The following IPPK variants were observed in gnomAD, a reference collection of about 807,000 sequenced individuals.
IPPK encodes the protein inositol-pentakisphosphate 2-kinase.
A neutral mutation model predicts 64.6 loss-of-function variants in IPPK; 22 were observed. The observed-to-expected ratio is 0.34, with a 90% confidence interval of 0.24 to 0.49. The LOEUF is 0.49. Ranked by LOEUF, IPPK falls within the 20% of genes least tolerant of loss-of-function variation. The pLI, the probability that IPPK is intolerant of heterozygous loss-of-function variation, is 0.99. For synonymous variants in IPPK, 262 were observed against 247.2 expected (o/e 1.06, Z -0.56); for missense variants, 532 against 630.7 (o/e 0.84, Z 1.68).
intron 1 of IPPK, among the ~76,000 whole-genome samples, chr9:92,662,939 C>T (rs1852516039): frequency 6.6e-6 from 1 of 152,188 alleles, no homozygotes; most frequent in South Asian, 2.1e-4. Flanking sequence ...CACCCAAGAA[C>T]CCAGCCTGAG....
intron 11 of IPPK, among the ~76,000 whole-genome samples, chr9:92,629,887 C>T (rs753236950): frequency 2.0e-5 from 3 of 152,100 alleles, no homozygotes; most frequent in Non-Finnish European, 4.4e-5. Context: ...CAAGTAATAA[C>T]AAGTGTTGCT....
At chr9:92,669,781 G>A in intron 1 of IPPK, 127 bp downstream of exon 1, 1 of 652,820 alleles carries the variant, frequency 1.5e-6, no homozygotes, top group South Asian at 1.8e-5. Flanking sequence ...TCCGGAGACC[G>A]GCCGGGGAGG....
At chr9:92,648,547 A>G (rs903979871) in intron 5 of IPPK, among the ~76,000 whole-genome samples, 8 of 152,194 alleles carry the variant, frequency 5.3e-5, no homozygotes. Context: ...ACAGAGGCCC[A>G]TCTGATAGTT....
intron 2 of IPPK, among the ~76,000 whole-genome samples, chr9:92,657,226 G>C (rs1852389546): frequency 6.6e-6 from 1 of 152,118 alleles, no homozygotes; most frequent in African/African-American, 2.4e-5. Flanking sequence ...GCGGGCACCT[G>C]TAATCCCAGC....
At chr9:92,655,488 G>A (rs1852354779) in intron 3 of IPPK, among the ~76,000 whole-genome samples, 1 of 152,080 alleles carries the variant, frequency 6.6e-6, no homozygotes, top group African/African-American at 2.4e-5. Context: ...TCCCACTGAG[G>A]ACAAACCTGG....
chr9:92,626,960 T>TA (rs1851746176), intron 11 of IPPK, among the ~76,000 whole-genome samples: 1 of 149,620 alleles, frequency 6.7e-6, no homozygotes, highest in Admixed American at 6.7e-5. Context: ...TGCACCCAGA[T>TA]AAAAAATTAT....
chr9:92,643,047 A>C (rs1407347339), intron 6 of IPPK, among the ~76,000 whole-genome samples: 1 of 152,258 alleles, frequency 6.6e-6, no homozygotes, highest in African/African-American at 2.4e-5. Flanking sequence ...CGTGGCCCCC[A>C]GGCCAGCCCT....
intron 1 of IPPK, among the ~76,000 whole-genome samples, chr9:92,668,063 T>A (rs1284444774): frequency 6.6e-6 from 1 of 151,678 alleles, no homozygotes; most frequent in African/African-American, 2.4e-5. Flanking sequence ...AGGTTAGGAG[T>A]TGGAGACCAG....
intron 6 of IPPK, 118 bp from the exon 7 acceptor site, chr9:92,642,928 C>T: frequency 3.5e-6 from 3 of 857,446 alleles, no homozygotes; most frequent in Middle Eastern, 2.5e-4. Context: ...GCAGCCTTGC[C>T]CCGGAAAAGG....
At chr9:92,648,872 G>C (rs1852200926) in intron 5 of IPPK, among the ~76,000 whole-genome samples, 1 of 152,236 alleles carries the variant, frequency 6.6e-6, no homozygotes, top group South Asian at 2.1e-4. Flanking sequence ...GGCCCATCCA[G>C]CCCCCACTGC....
intron 1 of IPPK, among the ~76,000 whole-genome samples, chr9:92,669,381 C>A (rs1852676418): frequency 1.3e-5 from 2 of 152,234 alleles, no homozygotes; most frequent in African/African-American, 4.8e-5. Context: ...GACCTGTGGA[C>A]AACATCCCCT....
chr9:92,640,572 C>T, intron 8 of IPPK, 138 bp downstream of exon 8: 1 of 697,504 alleles, frequency 1.4e-6, no homozygotes, highest in Non-Finnish European at 2.6e-6. Context: ...ATGACTGAAC[C>T]AGTCAGGGCA....
chr9:92,634,740 G>A (rs1043445552), intron 10 of IPPK, among the ~76,000 whole-genome samples: 1 of 152,312 alleles, frequency 6.6e-6, no homozygotes, highest in Non-Finnish European at 1.5e-5. Context: ...AGAGATGCAA[G>A]GAAGACCAGC....
chr9:92,667,480 A>G (rs1852624389), intron 1 of IPPK, among the ~76,000 whole-genome samples: 1 of 152,192 alleles, frequency 6.6e-6, no homozygotes, highest in Non-Finnish European at 1.5e-5. Flanking sequence ...AGGTTACCAC[A>G]TCAGGCACAG....
At chr9:92,620,911 C>T (rs944864334) in intron 11 of IPPK, among the ~76,000 whole-genome samples, 1 of 152,174 alleles carries the variant, frequency 6.6e-6, no homozygotes, top group Non-Finnish European at 1.5e-5. Flanking sequence ...GCTGCTATCA[C>T]GAAATGCCCA....
chr9:92,637,187 G>A (rs115669846), intron 9 of IPPK, among the ~76,000 whole-genome samples: 359 of 151,986 alleles, frequency 2.4e-3, no homozygotes, highest in African/African-American at 8.4e-3. Context: ...GTAACGGTGC[G>A]CACCTGTACT....
At chr9:92,637,581 C>T (rs2131436747) in intron 9 of IPPK, among the ~76,000 whole-genome samples, 1 of 152,334 alleles carries the variant, frequency 6.6e-6, no homozygotes. Flanking sequence ...CTTGTGAAGA[C>T]ATCCCATTGT....
chr9:92,617,081 GGTAA>G (rs1216964364), intron 12 of IPPK: 1 of 152,266 alleles, frequency 6.6e-6, no homozygotes, highest in East Asian at 1.9e-4. Flanking sequence ...AAGCTGCTGG[GGTAA>G]GTAACTATTC....
At chr9:92,667,902 CA>C (rs1021181913) in intron 1 of IPPK, among the ~76,000 whole-genome samples, 18 of 148,690 alleles carry the variant, frequency 1.2e-4, no homozygotes, top group Non-Finnish European at 2.2e-4. Context: ...GACTCCGTCT[CA>C]AAAAAAAAGA....
Sources: allele counts gnomAD v4.1 joint callset (sites outside exome capture counted in the v4.1 genomes callset), GRCh38; gene constraint gnomAD v4.1.1; transcripts MANE v1.5; gene names NCBI Gene and HGNC (gene_info 2026-07-23, HGNC 2026-07-21).